FNBP1: variants seen among roughly 807,000 people sequenced by gnomAD.
The protein encoded by FNBP1 is formin binding protein 1, also known as formin-binding protein 1.
Under a neutral mutation model 90.6 loss-of-function variants are expected in FNBP1, and 26 were observed. That is an observed-to-expected ratio of 0.29 (90% CI 0.21 to 0.40). The LOEUF is 0.40. Ranked by LOEUF, FNBP1 falls within the 10% of genes least tolerant of loss-of-function variation. The pLI, the probability that FNBP1 is intolerant of heterozygous loss-of-function variation, is 1.00. For synonymous variants in FNBP1, 260 were observed against 265.2 expected (o/e 0.98, Z 0.19); for missense variants, 635 against 768.0 (o/e 0.83, Z 2.05).
At chr9:130,040,338 G>A (rs188835820) in intron 1 of FNBP1, among the ~76,000 whole-genome samples, 7 of 152,200 alleles carry the variant, frequency 4.6e-5, no homozygotes, top group Non-Finnish European at 2.9e-5. Context: ...CTTTTTTAAC[G>A]TCAAGCGTGG....
Position 130,043,031 on chromosome 9 carries a change from C to T in FNBP1, c.-56G>A, listed in dbSNP as rs946994665. Reference sequence around the variant, plus strand: ...CGGCGGGCGCGGCTCTCTGGTCCCCCTCCCCGGCGATCCCTTTGCCCCCCG... The same window carrying T: ...CGGCGGGCGCGGCTCTCTGGTCCCCTTCCCCGGCGATCCCTTTGCCCCCCG... On this transcript the variant is annotated 5_prime_UTR_variant, in exon 1 of 17. Transcript: ENST00000446176. 1.6e-6 allele frequency: 2 copies of T among 1,222,818 alleles called. No homozygotes were observed. Among genetic ancestry groups the T allele is most frequent in the South Asian group, 8.3e-5 (2 of 24,214 alleles). The allele number at this position is 1,222,818 out of a possible 1,614,324, so 75.7% of individuals were successfully genotyped here. A position where few individuals can be genotyped will look rare whatever the true frequency, so the allele number is the denominator to read the frequency against.
chr9:129,978,140 C>T (rs1275571428), intron 4 of FNBP1, among the ~76,000 whole-genome samples: 2 of 152,072 alleles, frequency 1.3e-5, no homozygotes, highest in African/African-American at 4.8e-5. Flanking sequence ...CCTGCCTCAG[C>T]CTCCTGAGTA....
intron 1 of FNBP1, among the ~76,000 whole-genome samples, chr9:130,039,501 C>T (rs1054100640): frequency 2.0e-5 from 3 of 151,728 alleles, no homozygotes; most frequent in African/African-American, 2.4e-5. Context: ...ATGGTGAAAC[C>T]CCATCTCTAC....
chr9:129,902,588 T>C (rs894586140), intron 13 of FNBP1, among the ~76,000 whole-genome samples: 8 of 152,070 alleles, frequency 5.3e-5, no homozygotes, highest in African/African-American at 1.9e-4. Flanking sequence ...CAAAATCCTG[T>C]CTCTAAAATT....
chr9:129,992,337 C>A (rs981065927), intron 2 of FNBP1, among the ~76,000 whole-genome samples: 2 of 152,104 alleles, frequency 1.3e-5, no homozygotes, highest in Admixed American at 6.6e-5. Context: ...ACTTTCAGTT[C>A]GAAAAGCCCC....
chr9:129,963,853 G>A (rs1257629684), intron 4 of FNBP1, among the ~76,000 whole-genome samples: 1 of 152,066 alleles, frequency 6.6e-6, no homozygotes, highest in Non-Finnish European at 1.5e-5. Context: ...GACCTCAAGT[G>A]ATATGCCTGC....
chr9:129,980,954 G>C (rs1227115314), intron 2 of FNBP1, among the ~76,000 whole-genome samples: 1 of 151,010 alleles, frequency 6.6e-6, no homozygotes, highest in Non-Finnish European at 1.5e-5. Context: ...GGGAGGCTGA[G>C]GTAGGAGAAT....
At chr9:129,901,784 C>A (rs1373422931) in intron 13 of FNBP1, among the ~76,000 whole-genome samples, 2 of 150,898 alleles carry the variant, frequency 1.3e-5, no homozygotes, top group Admixed American at 1.3e-4. Context: ...TGGTGGTACA[C>A]ACCTGTAGTC....
rs762895023 is a variant in FNBP1, at chr9:129,902,977, A to G, written c.1320T>C (p.Asp440=). 24 of 1,591,566 alleles carry G rather than the reference A, an allele frequency of 1.5e-5. No individual in the cohort carries two copies. Among genetic ancestry groups the G allele is most frequent in the Non-Finnish European group, 2.1e-5 (24 of 1,168,156 alleles). The stretch of plus-strand genomic sequence containing the variant: ...CCATCTGAGGATTCTTTAGGTAGAC[A>G]TCTTTCATTTTTGTTATGGCATCTC... ...DQRDAITKMK[D]VYLKNPQMGD... Residue 440 remains aspartate, a synonymous_variant, in exon 13 of 17, where the codon GAT becomes GAC. Transcript: ENST00000446176.
chr9:129,915,137 A>G (rs1160275663), intron 11 of FNBP1, among the ~76,000 whole-genome samples: 1 of 151,960 alleles, frequency 6.6e-6, no homozygotes, highest in Non-Finnish European at 1.5e-5. Context: ...TGCACAAGGC[A>G]CCAACATATC....
intron 10 of FNBP1, among the ~76,000 whole-genome samples, chr9:129,922,186 A>C (rs958333165): frequency 2.0e-5 from 3 of 152,206 alleles, no homozygotes; most frequent in African/African-American, 7.2e-5. Context: ...ATATTTTGGG[A>C]AGGCTTAGAC....
In FNBP1 at chr9:129,889,682, G is replaced by A; in HGVS notation, c.*857C>T. 1 of 231,962 alleles carries A rather than the reference G, an allele frequency of 4.3e-6. No individual in the cohort carries two copies. Among genetic ancestry groups the A allele is most frequent in the Non-Finnish European group, 8.5e-6 (1 of 117,216 alleles). The allele number at this position is 231,962 out of a possible 1,614,324, so 14.4% of individuals were successfully genotyped here. Reference sequence around the variant, plus strand: ...CGCTTTGCAATGAGCTGGTGCAGAGGGGAGGGCCTCGCTCACAAGCGCATG... The same window carrying A: ...CGCTTTGCAATGAGCTGGTGCAGAGAGGAGGGCCTCGCTCACAAGCGCATG... On this transcript the variant is annotated 3_prime_UTR_variant, in exon 17 of 17. Transcript: ENST00000446176.
At chr9:130,028,981 C>T (rs982167139) in intron 1 of FNBP1, among the ~76,000 whole-genome samples, 21 of 152,142 alleles carry the variant, frequency 1.4e-4, no homozygotes, top group Admixed American at 1.4e-3. Flanking sequence ...AAGCTCAATC[C>T]TACTGTTCTC....
chr9:129,958,420 A>C, intron 5 of FNBP1, 71 bp downstream of exon 5: 1 of 1,188,784 alleles, frequency 8.4e-7, no homozygotes, highest in Non-Finnish European at 1.2e-6. Context: ...CAACAGAGGG[A>C]GCCTCCGTCT....
chr9:129,923,377 G>A (rs1380190857), intron 10 of FNBP1, among the ~76,000 whole-genome samples: 2 of 151,878 alleles, frequency 1.3e-5, no homozygotes, highest in Non-Finnish European at 2.9e-5. Flanking sequence ...TCAAGAGATC[G>A]AGACCATCCT....
chr9:130,010,135 G>A (rs922187874), intron 1 of FNBP1, among the ~76,000 whole-genome samples: 8 of 152,124 alleles, frequency 5.3e-5, no homozygotes, highest in Non-Finnish European at 1.2e-4. Flanking sequence ...ACTTTCCACT[G>A]GCCAATTTAA....
intron 13 of FNBP1, among the ~76,000 whole-genome samples, chr9:129,902,054 G>T (rs1224108198): frequency 6.6e-6 from 1 of 152,138 alleles, no homozygotes; most frequent in Non-Finnish European, 1.5e-5. Context: ...GGAGGCTTTT[G>T]TTGACAGCTT....
At chr9:129,895,711 C>T (rs1179805487) in intron 16 of FNBP1, 127 bp downstream of exon 16, 49 of 1,371,116 alleles carry the variant, frequency 3.6e-5, no homozygotes, top group Non-Finnish European at 4.4e-5. Context: ...TACAGGAGAA[C>T]GTGCATTATG....
intron 12 of FNBP1, among the ~76,000 whole-genome samples, chr9:129,907,720 T>C (rs2038405468): frequency 6.6e-6 from 1 of 151,822 alleles, no homozygotes. Flanking sequence ...TTATGGCAAA[T>C]GGGTTTTGAT....
Sources: gnomAD v4.1 joint callset for allele counts (sites outside exome capture counted in the v4.1 genomes callset) on GRCh38, gnomAD v4.1.1 for gene constraint, MANE v1.5 for transcripts, NCBI Gene and HGNC (gene_info 2026-07-23, HGNC 2026-07-21) for gene names.